HOXC11: variants seen among roughly 807,000 people sequenced by gnomAD.
The protein encoded by HOXC11 is homeobox C11, also known as homeobox protein Hox-C11.
A neutral mutation model predicts 23.6 loss-of-function variants in HOXC11; 17 were observed. That is an observed-to-expected ratio of 0.72 (90% CI 0.49 to 1.08). The LOEUF is 1.08. Among genes scored for constraint, HOXC11 ranks in the 50% least tolerant of loss-of-function variants. The probability of loss-of-function intolerance (pLI) is 0.00; values close to 1 mark genes in which losing one functional copy is unlikely to be tolerated. For synonymous variants in HOXC11, 196 were observed against 183.8 expected, an observed-to-expected ratio of 1.07 and a Z score of -0.54; for missense variants, 413 against 412.1, an observed-to-expected ratio of 1.00 and a Z score of -0.02.
In HOXC11 at chr12:53,975,205, G is replaced by T. The variant is rs898371935; in HGVS notation, c.707G>T (p.Arg236Leu). ...GACGCCCCCCGCACCCGCAAGAAGC[G>T]CTGCCCTTATTCGAAATTCCAGATC... ...APNAPRTRKKRCPYSKFQIRE... is the reference protein window; with the variant it reads ...APNAPRTRKKLCPYSKFQIRE... Residue 236 changes from arginine (R) to leucine (L), a missense_variant, in exon 2 of 2, where the codon CGC becomes CTC. Physicochemically the swap from Arg to Leu is moderately radical, Grantham distance 102. Transcript: ENST00000546378. 6.2e-7 allele frequency: 1 copy of T among 1,606,912 alleles called. No homozygotes were observed. The highest frequency in any genetic ancestry group is 8.5e-7 in the Non-Finnish European group (1 of 1,177,426).
chr12:53,975,397 G>A lies in HOXC11; in HGVS notation c.899G>A (p.Gly300Glu), dbSNP rs1277565272. 2 of 1,612,118 alleles carry A rather than the reference G, an allele frequency of 1.2e-6. No homozygotes were observed. Among genetic ancestry groups the A allele is most frequent in the South Asian group, 2.2e-5 (2 of 91,012 alleles). Residue 300 changes from glycine (G) to glutamate (E), a missense_variant, in exon 2 of 2, where the codon GGA (glycine) becomes GAA (glutamate). Coordinates refer to ENST00000546378, the MANE Select transcript of HOXC11 (RefSeq NM_014212.4). ...LSRDRLQYFS[G>E]NPLL ...AGAGACCGGCTGCAGTATTTCTCGG[G>A]AAATCCTCTGCTGTAACCTGCAGAC...
chr12:53,975,071 C>G, intron 1 of HOXC11, 110 bp from the exon 2 acceptor site: 1 of 604,050 alleles, frequency 1.7e-6, no homozygotes, highest in South Asian at 2.0e-5. Flanking sequence ...GAGGGCTGCC[C>G]GCGGTGGGCT....
chr12:53,973,912 G>T lies in HOXC11; in HGVS notation c.671G>T (p.Gly224Val), dbSNP rs1390422425. The T allele has an allele frequency of 2.8e-6, 4 of 1,443,440 alleles. No homozygotes were observed. Among genetic ancestry groups the T allele is most frequent in the Non-Finnish European group, 3.6e-6 (4 of 1,096,474 alleles). 89.4% of individuals were successfully genotyped at this position (1,443,440 alleles called of 1,614,324 possible). Residue 224 changes from glycine to valine, a missense_variant, in exon 1 of 2, where the codon GGA becomes GTA. By Grantham distance (109) the Gly-to-Val change is moderately radical. Coordinates refer to ENST00000546378, the MANE Select transcript of HOXC11 (RefSeq NM_014212.4). The surrounding 1 kb of genome is among the most constrained non-coding windows in gnomAD (Gnocchi z 4.3). Reference protein sequence around the residue: ...AHSVAKEPAKGAAPNAPRTRK... With the variant: ...AHSVAKEPAKVAAPNAPRTRK... ...TCCGTGGCCAAGGAGCCGGCCAAAG[G>T]AGCCGCCCCCAGTAGGTAGCAGCGG...
At position 53,975,164 on chromosome 12, in the gene HOXC11, C is replaced by G. The variant is rs757823695; in HGVS notation, c.683-17C>G. ...TCTCCCCCCTCTCCTCGCACTTGCC[C>G]CCTCCCCTCCCTCCAGACGCCCCCC... On this transcript the variant is annotated splice_polypyrimidine_tract_variant and intron_variant, in intron 1 of 1. Coordinates refer to ENST00000546378, the MANE Select transcript of HOXC11 (RefSeq NM_014212.4). 7.9e-6 allele frequency: 10 copies of G among 1,269,052 alleles called. No homozygotes were observed. The highest frequency in any genetic ancestry group is 3.4e-6 in the Non-Finnish European group (3 of 881,804). 78.6% of individuals were successfully genotyped at this position (1,269,052 alleles called of 1,614,324 possible).
intron 1 of HOXC11, 114 bp downstream of exon 1, chr12:53,974,037 C>T: frequency 1.2e-6 from 1 of 824,526 alleles, no homozygotes; most frequent in Non-Finnish European, 1.8e-6. Flanking sequence ...TTGGGTCAGT[C>T]CGATTTTATG....
In HOXC11 at chr12:53,973,501, A is replaced by G; in HGVS notation, c.260A>G (p.Asn87Ser). The G allele has an allele frequency of 6.2e-7, 1 of 1,614,012 alleles. No individual in the cohort carries two copies. Among genetic ancestry groups the G allele is most frequent in the Non-Finnish European group, 8.5e-7 (1 of 1,180,000 alleles). ...CCATCCGGCAAGTGGCACCATCGGAACAGCTACTCCTCCTGCTATGCGGCG... is the reference window on the plus strand; with the variant it reads ...CCATCCGGCAAGTGGCACCATCGGAGCAGCTACTCCTCCTGCTATGCGGCG... The part of the protein sequence containing the change: ...LEPSGKWHHR[N>S]SYSSCYAAAD... The change falls in exon 1 of 2, where the codon AAC (asparagine) becomes AGC (serine). Residue 87 changes from asparagine (N) to serine (S), a missense_variant. Asn to Ser is a conservative substitution (Grantham distance 46, BLOSUM62 1). Coordinates refer to ENST00000546378, the MANE Select transcript of HOXC11 (RefSeq NM_014212.4). The surrounding 1 kb of genome is among the most constrained non-coding windows in gnomAD (Gnocchi z 4.3).
chr12:53,973,951 G>A lies in HOXC11; in HGVS notation c.682+28G>A, dbSNP rs774040501. On this transcript the variant is annotated intron_variant, in intron 1 of 1. Coordinates refer to ENST00000546378, the MANE Select transcript of HOXC11 (RefSeq NM_014212.4). This position sits in a 1 kb window ranked among gnomAD's most constrained non-coding sequence, Gnocchi z 4.3. ...AGGTAGCAGCGGCCGGGGAACGGGCGGGCAGCGAGGGAGGGAGCGAGAGAG... is the reference window on the plus strand; with the variant it reads ...AGGTAGCAGCGGCCGGGGAACGGGCAGGCAGCGAGGGAGGGAGCGAGAGAG... 1.1e-4 allele frequency: 154 copies of A among 1,433,154 alleles called. No homozygotes were observed. Among genetic ancestry groups the A allele is most frequent in the Non-Finnish European group, 1.3e-4 (143 of 1,091,730 alleles). 88.8% of individuals were successfully genotyped at this position (1,433,154 alleles called of 1,614,324 possible).
At position 53,973,739 on chromosome 12, in the gene HOXC11, C is replaced by A. The variant is rs779229466; in HGVS notation, c.498C>A (p.Pro166=). 6.2e-7 allele frequency: 1 copy of A among 1,612,900 alleles called. No homozygotes were observed. The highest frequency in any genetic ancestry group is 8.5e-7 in the Non-Finnish European group (1 of 1,179,810). ...DNAYCGGGDP[P]AEPPCSGKGE... Reference sequence around the variant, plus strand: ...CCTACTGCGGTGGCGGCGACCCGCCCGCCGAGCCCCCCTGCTCCGGCAAGG... The same window carrying A: ...CCTACTGCGGTGGCGGCGACCCGCCAGCCGAGCCCCCCTGCTCCGGCAAGG... Residue 166 remains proline, a synonymous_variant, in exon 1 of 2, where the codon CCC becomes CCA. Coordinates refer to ENST00000546378, the MANE Select transcript of HOXC11 (RefSeq NM_014212.4). The surrounding 1 kb of genome is among the most constrained non-coding windows in gnomAD (Gnocchi z 4.3).
chr12:53,976,140 T>TA lies in HOXC11; in HGVS notation c.*727_*728insA, dbSNP rs1214808500. 8.7e-6 allele frequency: 2 copies of TA among 229,006 alleles called. No individual in the cohort carries two copies. The highest frequency in any genetic ancestry group is 1.7e-5 in the Non-Finnish European group (2 of 115,606). The allele number at this position is 229,006 out of a possible 1,614,324, so 14.2% of individuals were successfully genotyped here. A position where few individuals can be genotyped will look rare whatever the true frequency, so the allele number is the denominator to read the frequency against. ...CAGTCGTTACCTCTTTTTTTTTTTTTTTTAAGAAAATTGAAGATTGGGGTG... is the reference window on the plus strand; with the variant it reads ...CAGTCGTTACCTCTTTTTTTTTTTTTATTTAAGAAAATTGAAGATTGGGGTG... On this transcript the variant is annotated 3_prime_UTR_variant, in exon 2 of 2. Coordinates refer to ENST00000546378, the MANE Select transcript of HOXC11 (RefSeq NM_014212.4).
rs763023258 is a variant in HOXC11 at position 53,976,728 on chromosome 12, C to T, written c.*1315C>T. 1 of 152,512 alleles carries T rather than the reference C, an allele frequency of 6.6e-6. No homozygotes were observed. Among genetic ancestry groups the T allele is most frequent in the Non-Finnish European group, 1.5e-5 (1 of 68,220 alleles). 9.4% of individuals were successfully genotyped at this position (152,512 alleles called of 1,614,324 possible). A position where few individuals can be genotyped will look rare whatever the true frequency, so the allele number is the denominator to read the frequency against. On this transcript the variant is annotated 3_prime_UTR_variant, in exon 2 of 2. Transcript: ENST00000546378. Reference sequence around the variant, plus strand: ...AGCAACGGCTTTCTGTTTAAGTACACGTTTGTTGTGGAGTTAATTGTAACC... The same window carrying T: ...AGCAACGGCTTTCTGTTTAAGTACATGTTTGTTGTGGAGTTAATTGTAACC...
rs766983603 is a variant in HOXC11 at position 53,973,795 on chromosome 12, C to T, written c.554C>T (p.Pro185Leu). The change falls in exon 1 of 2, where the codon CCG (proline) becomes CTG (leucine). Residue 185 changes from proline to leucine, a missense_variant. Coordinates refer to ENST00000546378, the MANE Select transcript of HOXC11 (RefSeq NM_014212.4). This position sits in a 1 kb window ranked among gnomAD's most constrained non-coding sequence, Gnocchi z 4.3. ...GCCAAGGGGGAGCCCGAGGCACCCC[C>T]GGCCTCGGGACTGGCGTCCCGGGCT... Reference protein sequence around the residue: ...GEAKGEPEAPPASGLASRAEA... With the variant: ...GEAKGEPEAPLASGLASRAEA... The T allele has an allele frequency of 2.7e-5, 43 of 1,592,522 alleles. No individual in the cohort carries two copies. The highest frequency in any genetic ancestry group is 1.1e-4 in the African/African-American group (8 of 73,904).
chr12:53,973,439 A>G lies in HOXC11; in HGVS notation c.198A>G (p.Gln66=). The G allele has an allele frequency of 6.2e-7, 1 of 1,613,950 alleles. No individual in the cohort carries two copies. The highest frequency in any genetic ancestry group is 8.5e-7 in the Non-Finnish European group (1 of 1,179,994). The change falls in exon 1 of 2, where the codon CAA becomes CAG. Residue 66 remains glutamine, a synonymous_variant. Coordinates refer to ENST00000546378, the MANE Select transcript of HOXC11 (RefSeq NM_014212.4). The surrounding 1 kb of genome is among the most constrained non-coding windows in gnomAD (Gnocchi z 4.3). The part of the protein sequence containing the change: ...SRQISYPYSA[Q]VPPVREVSYG... ...AGATCTCCTATCCCTACTCGGCCCA[A>G]GTGCCCCCGGTCCGGGAGGTCTCCT...
intron 1 of HOXC11, among the ~76,000 whole-genome samples, chr12:53,974,571 C>A (rs1416202789): frequency 6.6e-6 from 1 of 152,136 alleles, no homozygotes; most frequent in Non-Finnish European, 1.5e-5. Flanking sequence ...GACTCCACTG[C>A]GTTCCAGGCG....
At position 53,975,778 on chromosome 12, in the gene HOXC11, A is replaced by C. The variant is rs1384169211; in HGVS notation, c.*365A>C. 2.0e-6 allele frequency: 1 copy of C among 491,928 alleles called. No individual in the cohort carries two copies. The highest frequency in any genetic ancestry group is 2.0e-5 in the African/African-American group (1 of 50,178). 30.5% of individuals were successfully genotyped at this position (491,928 alleles called of 1,614,324 possible). A position where few individuals can be genotyped will look rare whatever the true frequency, so the allele number is the denominator to read the frequency against. Reference sequence around the variant, plus strand: ...CAGTAGTGAGCGCCTGAGCCGAACAATCCTCGAACTAAAAGCCTTCCCTTG... The same window carrying C: ...CAGTAGTGAGCGCCTGAGCCGAACACTCCTCGAACTAAAAGCCTTCCCTTG... On this transcript the variant is annotated 3_prime_UTR_variant, in exon 2 of 2. Transcript: ENST00000546378.
Position 53,975,560 on chromosome 12 carries a change from C to T in HOXC11, c.*147C>T. The T allele has an allele frequency of 2.8e-6, 2 of 704,998 alleles. No individual in the cohort carries two copies. The highest frequency in any genetic ancestry group is 5.1e-6 in the Non-Finnish European group (2 of 394,686). The allele number at this position is 704,998 out of a possible 1,614,324, so 43.7% of individuals were successfully genotyped here. On this transcript the variant is annotated 3_prime_UTR_variant, in exon 2 of 2. Coordinates refer to ENST00000546378, the MANE Select transcript of HOXC11 (RefSeq NM_014212.4). ...GCCCCCACCGCTGTGGCCGGCACTCCATTCCGGAACCTCCTGGACCCTCTA... is the reference window on the plus strand; with the variant it reads ...GCCCCCACCGCTGTGGCCGGCACTCTATTCCGGAACCTCCTGGACCCTCTA...
chr12:53,973,908 A>G lies in HOXC11; in HGVS notation c.667A>G (p.Lys223Glu). The G allele has an allele frequency of 6.9e-7, 1 of 1,442,438 alleles. No individual in the cohort carries two copies. Among genetic ancestry groups the G allele is most frequent in the Non-Finnish European group, 9.1e-7 (1 of 1,095,880 alleles). The allele number at this position is 1,442,438 out of a possible 1,614,324, so 89.4% of individuals were successfully genotyped here. A position where few individuals can be genotyped will look rare whatever the true frequency, so the allele number is the denominator to read the frequency against. ...CCACTCCGTGGCCAAGGAGCCGGCCAAAGGAGCCGCCCCCAGTAGGTAGCA... is the reference window on the plus strand; with the variant it reads ...CCACTCCGTGGCCAAGGAGCCGGCCGAAGGAGCCGCCCCCAGTAGGTAGCA... Reference protein sequence around the residue: ...SAHSVAKEPAKGAAPNAPRTR... With the variant: ...SAHSVAKEPAEGAAPNAPRTR... The change falls in exon 1 of 2, where the codon AAA (lysine) becomes GAA (glutamate). Residue 223 changes from lysine (K) to glutamate (E), a missense_variant. Coordinates refer to ENST00000546378, the MANE Select transcript of HOXC11 (RefSeq NM_014212.4). The surrounding 1 kb of genome is among the most constrained non-coding windows in gnomAD (Gnocchi z 4.3).
rs768935038 is a variant in HOXC11 at position 53,976,127 on chromosome 12, C to CTTTTTTTTTT, written c.*721_*730dup. On this transcript the variant is annotated 3_prime_UTR_variant, in exon 2 of 2. Transcript: ENST00000546378. Reference sequence around the variant, plus strand: ...GCTATAGTCTATGCAGTCGTTACCTCTTTTTTTTTTTTTTTTAAGAAAATT... The same window carrying CTTTTTTTTTT: ...GCTATAGTCTATGCAGTCGTTACCTCTTTTTTTTTTTTTTTTTTTTTTTTTTAAGAAAATT... 0.024 allele frequency: 4,293 copies of CTTTTTTTTTT among 180,482 alleles called. 222 individuals are homozygous for CTTTTTTTTTT. Among genetic ancestry groups the CTTTTTTTTTT allele is most frequent in the African/African-American group, 0.098 (3,494 of 35,492 alleles). The allele number at this position is 180,482 out of a possible 1,614,324, so 11.2% of individuals were successfully genotyped here.
At position 53,973,939 on chromosome 12, in the gene HOXC11, CGG is replaced by C. The variant is rs1024935682; in HGVS notation, c.682+19_682+20del. The C allele has an allele frequency of 7.0e-7, 1 of 1,425,966 alleles. No homozygotes were observed. The highest frequency in any genetic ancestry group is 2.6e-5 in the East Asian group (1 of 37,880). 88.3% of individuals were successfully genotyped at this position (1,425,966 alleles called of 1,614,324 possible). ...GCCGCCCCCAGTAGGTAGCAGCGGC[CGG>C]GGAACGGGCGGGCAGCGAGGGAGGG... is the stretch of plus-strand genomic sequence containing the variant. On this transcript the variant is annotated intron_variant, in intron 1 of 1. Transcript: ENST00000546378. This position sits in a 1 kb window ranked among gnomAD's most constrained non-coding sequence, Gnocchi z 4.3.
chr12:53,975,663 C>A lies in HOXC11; in HGVS notation c.*250C>A. The A allele has an allele frequency of 1.7e-6, 1 of 589,298 alleles. No homozygotes were observed. Among genetic ancestry groups the A allele is most frequent in the South Asian group, 2.1e-5 (1 of 46,746 alleles). 36.5% of individuals were successfully genotyped at this position (589,298 alleles called of 1,614,324 possible). On this transcript the variant is annotated 3_prime_UTR_variant, in exon 2 of 2. Transcript: ENST00000546378. ...GTGTCTGATGCACGGCGAGTGAACA[C>A]CGTTGGCGCCGAGGCCAAGACTTTG...
Sources: allele counts gnomAD v4.1 joint callset (sites outside exome capture counted in the v4.1 genomes callset), GRCh38; gene constraint gnomAD v4.1.1; non-coding constraint Gnocchi (gnomAD v3.1); transcripts MANE v1.5; gene names NCBI Gene and HGNC (gene_info 2026-07-23, HGNC 2026-07-21).